Variants in FAT3 observed in about 807,000 individuals in gnomAD.
The protein encoded by FAT3 is FAT atypical cadherin 3, also known as protocadherin Fat 3.
A neutral mutation model predicts 310.2 loss-of-function variants in FAT3; 95 were observed. That is an observed-to-expected ratio of 0.31 (90% CI 0.26 to 0.36). The LOEUF is 0.36. Ranked by LOEUF, FAT3 falls within the 10% of genes least tolerant of loss-of-function variation. FAT3 has a pLI of 1.00. For missense variants in FAT3, 5,408 were observed against 5,715.6 expected, an observed-to-expected ratio of 0.95 and a Z score of 1.74; for synonymous variants, 2,314 against 2,192.9, an observed-to-expected ratio of 1.06 and a Z score of -1.54.
chr11:92,372,577 C>G (rs1949219021), intron 2 of FAT3, among the ~76,000 whole-genome samples: 1 of 151,988 alleles, frequency 6.6e-6, no homozygotes, highest in African/African-American at 2.4e-5. Context: ...GTTTTGTGAT[C>G]CCTCTGTCTC....
At chr11:92,412,752 C>CACACATATATATATATATATATATAT (rs1565296555) in intron 2 of FAT3, among the ~76,000 whole-genome samples, 2 of 24,274 alleles carry the variant, frequency 8.2e-5, no homozygotes, top group African/African-American at 2.1e-4. Context: ...TATAAATATA[C>CACACATATATATATATATATATATAT]ATACATATAT....
At position 92,809,982 on chromosome 11, in the gene FAT3, T is replaced by A; in HGVS notation, c.9387T>A (p.Pro3129=). 6.2e-7 allele frequency: 1 copy of A among 1,613,972 alleles called. No homozygotes were observed. Among genetic ancestry groups the A allele is most frequent in the Middle Eastern group, 1.6e-4 (1 of 6,062 alleles). The change falls in exon 13 of 28, where the codon CCT becomes CCA. Residue 3129 remains proline, a synonymous_variant. Transcript: ENST00000525166. ...LILEDVNDNP[P]VFSSDHYNTC... is the part of the protein sequence containing the mutation. ...TGGAGGATGTGAATGATAACCCCCCTGTGTTTTCTTCTGACCACTACAACA... is the reference window on the plus strand; with the variant it reads ...TGGAGGATGTGAATGATAACCCCCCAGTGTTTTCTTCTGACCACTACAACA...
In FAT3 at chr11:92,521,236, ATTTTATTGCTTATTGAATTATG is replaced by A. The variant is rs534714815; in HGVS notation, c.3293-3395_3293-3374del. 1.5e-3 allele frequency among the ~76,000 whole-genome samples: 227 copies of A among 152,182 alleles called. 1 individual carries two copies. Among genetic ancestry groups the A allele is most frequent in the African/African-American group, 5.3e-3 (221 of 41,536 alleles). On this transcript the variant is annotated intron_variant, in intron 2 of 27. Coordinates refer to ENST00000525166, the MANE Select transcript of FAT3 (RefSeq NM_001367949.2). ...CAAATAAAACTGAAAAACTTCCTTG[ATTTTATTGCTTATTGAATTATG>A]TTCTCTTTTTAGTGACCTTACTTTG...
intron 3 of FAT3, among the ~76,000 whole-genome samples, chr11:92,563,713 A>G (rs1351159387): frequency 1.3e-5 from 2 of 152,184 alleles, no homozygotes; most frequent in African/African-American, 4.8e-5. Context: ...ACAAGCCAGA[A>G]GAGAGTGGGG....
intron 2 of FAT3, among the ~76,000 whole-genome samples, chr11:92,472,008 T>C (rs985619616): frequency 6.7e-6 from 1 of 149,626 alleles, no homozygotes; most frequent in African/African-American, 2.4e-5. Context: ...ATGTAATTTA[T>C]AGACTATTTT....
intron 13 of FAT3, among the ~76,000 whole-genome samples, chr11:92,824,448 T>C (rs1489348319): frequency 6.6e-6 from 1 of 152,174 alleles, no homozygotes; most frequent in Admixed American, 6.5e-5. Context: ...ATTTTCTAAG[T>C]AAAGCCAGTG....
At chr11:92,286,448 C>G (rs117054403) in intron 1 of FAT3, among the ~76,000 whole-genome samples, 8 of 152,124 alleles carry the variant, frequency 5.3e-5, no homozygotes, top group Non-Finnish European at 7.4e-5. Flanking sequence ...CAACTTATCC[C>G]GTTTGTTCAT....
intron 2 of FAT3, among the ~76,000 whole-genome samples, chr11:92,444,667 G>C (rs988453066): frequency 7.3e-6 from 1 of 136,534 alleles, no homozygotes; most frequent in Non-Finnish European, 1.5e-5. Flanking sequence ...ACTGGGGGGG[G>C]GGGAAAACAT....
chr11:92,444,486 G>A (rs1951162700), intron 2 of FAT3, among the ~76,000 whole-genome samples: 1 of 152,118 alleles, frequency 6.6e-6, no homozygotes, highest in African/African-American at 2.4e-5. Context: ...CCAGTGTCCT[G>A]CGCAGAGTGA....
chr11:92,702,670 G>T (rs896071090), intron 4 of FAT3, among the ~76,000 whole-genome samples: 1 of 152,072 alleles, frequency 6.6e-6, no homozygotes, highest in African/African-American at 2.4e-5. Context: ...ATAGCACTTC[G>T]ATTATTCTTG....
intron 1 of FAT3, among the ~76,000 whole-genome samples, chr11:92,342,840 T>G (rs2134590214): frequency 6.6e-6 from 1 of 152,332 alleles, no homozygotes; most frequent in South Asian, 2.1e-4. Flanking sequence ...GGCACATTTT[T>G]TCAGACAGCC....
At chr11:92,441,057 A>G (rs1019844104) in intron 2 of FAT3, among the ~76,000 whole-genome samples, 1 of 152,252 alleles carries the variant, frequency 6.6e-6, no homozygotes, top group Non-Finnish European at 1.5e-5. Context: ...TCATAAGTGT[A>G]TTGCATGTTA....
Position 92,512,844 on chromosome 11 carries a change from C to T in FAT3, c.3293-11790C>T, listed in dbSNP as rs1199765133. ...AAACATCTAAGTTAAGATTATCGGC[C>T]GGGCGCGGTGGCTCACGCCTGTAAT... is the stretch of plus-strand genomic sequence containing the variant. On this transcript the variant is annotated intron_variant, in intron 2 of 27. Transcript: ENST00000525166. Among the ~76,000 whole-genome samples, 12 of 64,432 alleles carry T rather than the reference C, an allele frequency of 1.9e-4. 3 individuals are homozygous for T. Among genetic ancestry groups the T allele is most frequent in the East Asian group, 8.8e-4 (2 of 2,260 alleles). The allele number at this position is 64,432 out of a possible 152,430, so 42.3% of individuals were successfully genotyped here.
chr11:92,667,199 G>A (rs983975732), intron 3 of FAT3, among the ~76,000 whole-genome samples: 2 of 152,188 alleles, frequency 1.3e-5, no homozygotes, highest in Non-Finnish European at 2.9e-5. Flanking sequence ...AGCTACACAT[G>A]TGCATTTAAT....
chr11:92,635,256 T>C (rs1941721488), intron 3 of FAT3, among the ~76,000 whole-genome samples: 1 of 152,100 alleles, frequency 6.6e-6, no homozygotes, highest in Admixed American at 6.5e-5. Flanking sequence ...TTTTTATCAC[T>C]CTGACCTACT....
rs376387189 is a variant in FAT3, at chr11:92,840,773, C to G, written c.10566+14C>G. ...TTGTGTGTCCAGGTATGGCATCGCA[C>G]TCTGTCTCCGTCGTGCTGTCTTTCT... On this transcript the variant is annotated intron_variant, in intron 18 of 27. Transcript: ENST00000525166. 1 of 1,543,016 alleles carries G rather than the reference C, an allele frequency of 6.5e-7. No homozygotes were observed.
chr11:92,704,121 A>C (rs1032765412), intron 4 of FAT3, among the ~76,000 whole-genome samples: 2 of 152,228 alleles, frequency 1.3e-5, no homozygotes, highest in Non-Finnish European at 2.9e-5. Flanking sequence ...TCATTTTGTA[A>C]TAATGGATTG....
chr11:92,534,883 G>A (rs867809424), intron 3 of FAT3, among the ~76,000 whole-genome samples: 2 of 152,092 alleles, frequency 1.3e-5, no homozygotes, highest in South Asian at 2.1e-4. Context: ...AGAGAAAACC[G>A]TGTTATTTTT....
chr11:92,323,585 CTTTTTTTTT>C (rs1206086265), intron 1 of FAT3, among the ~76,000 whole-genome samples: 1 of 133,840 alleles, frequency 7.5e-6, no homozygotes, highest in African/African-American at 2.7e-5. Flanking sequence ...CTTTTTTTTT[CTTTTTTTTT>C]TTTTTTTCTG....
Sources: gnomAD v4.1 joint callset for allele counts (sites outside exome capture counted in the v4.1 genomes callset) on GRCh38, gnomAD v4.1.1 for gene constraint, MANE v1.5 for transcripts, NCBI Gene and HGNC (gene_info 2026-07-23, HGNC 2026-07-21) for gene names.